The following DDX46 variants were observed in gnomAD, a reference collection of about 807,000 sequenced individuals.
DDX46 encodes DEAD-box helicase 46, also known as probable ATP-dependent RNA helicase DDX46.
Under a neutral mutation model 134.9 loss-of-function variants are expected in DDX46, and 30 were observed. That is an observed-to-expected ratio of 0.22 (90% CI 0.17 to 0.30). DDX46 has a LOEUF of 0.30. Among genes scored for constraint, DDX46 ranks in the 10% least tolerant of loss-of-function variants. The pLI is 1.00. For synonymous variants in DDX46, 415 were observed against 404.1 expected (o/e 1.03, Z -0.32); for missense variants, 622 against 1,248.7 (o/e 0.50, Z 7.56).
chr5:134,809,216 C>G (rs1416140447), intron 16 of DDX46, among the ~76,000 whole-genome samples: 1 of 152,108 alleles, frequency 6.6e-6, no homozygotes, highest in African/African-American at 2.4e-5. Context: ...TGGGCTCTGT[C>G]ACATATTCTT....
At chr5:134,820,875 T>C (rs982098781) in intron 21 of DDX46, among the ~76,000 whole-genome samples, 1 of 147,052 alleles carries the variant, frequency 6.8e-6, no homozygotes, top group African/African-American at 2.6e-5. Flanking sequence ...TTTTTTTTTT[T>C]TTTTTTTTGA....
rs1755681127 is a variant in DDX46, at chr5:134,829,595, A to T, written c.*889A>T. 1 of 152,216 alleles carries T rather than the reference A, an allele frequency of 6.6e-6. No individual in the cohort carries two copies. The highest frequency in any genetic ancestry group is 2.1e-4 in the South Asian group (1 of 4,838). 9.4% of individuals were successfully genotyped at this position (152,216 alleles called of 1,614,324 possible). A position where few individuals can be genotyped will look rare whatever the true frequency, so the allele number is the denominator to read the frequency against. ...TTTTCTTTCTTAAAAATTGTAAAAC[A>T]TAATGGTACCCAAGTTTTAAACTTA... On this transcript the variant is annotated 3_prime_UTR_variant, in exon 23 of 23. Coordinates refer to ENST00000452510, the MANE Select transcript of DDX46 (RefSeq NM_001300860.2).
At chr5:134,825,351 T>C (rs537531428) in intron 21 of DDX46, among the ~76,000 whole-genome samples, 1 of 152,314 alleles carries the variant, frequency 6.6e-6, no homozygotes, top group African/African-American at 2.4e-5. Flanking sequence ...GATTGGTGGC[T>C]AGTGGAGGTA....
Position 134,811,146 on chromosome 5 carries a change from C to T in DDX46, c.2149-75C>T, listed in dbSNP as rs547939805. The T allele has an allele frequency of 1.1e-5, 14 of 1,300,110 alleles. No homozygotes were observed. The South Asian group carries it at 2.4e-4, about 22-fold the overall frequency. 80.5% of individuals were successfully genotyped at this position (1,300,110 alleles called of 1,614,324 possible). On this transcript the variant is annotated intron_variant, in intron 16 of 22. Coordinates refer to ENST00000452510, the MANE Select transcript of DDX46 (RefSeq NM_001300860.2). ...AATCTCGAGGATTTATTAGGTGGAT[C>T]AGATTTTATCTTATGATCTAAGTAG... is the stretch of plus-strand genomic sequence containing the variant.
At chr5:134,787,359 C>G (rs886366701) in intron 11 of DDX46, among the ~76,000 whole-genome samples, 1 of 152,172 alleles carries the variant, frequency 6.6e-6, no homozygotes, top group Non-Finnish European at 1.5e-5. Context: ...AAACCACTTT[C>G]TTTCCTGTAA....
At chr5:134,759,327 C>G (rs1406177034) in intron 1 of DDX46, among the ~76,000 whole-genome samples, 1 of 152,154 alleles carries the variant, frequency 6.6e-6, no homozygotes, top group Non-Finnish European at 1.5e-5. Context: ...TCCTGTCATT[C>G]TGTATTTTAG....
chr5:134,804,023 C>G (rs1488252124), intron 15 of DDX46, among the ~76,000 whole-genome samples: 1 of 149,700 alleles, frequency 6.7e-6, no homozygotes, highest in African/African-American at 2.5e-5. Context: ...TCCTCGACCT[C>G]CAGGGCTCAA....
At chr5:134,802,250 C>T (rs550680914) in intron 15 of DDX46, among the ~76,000 whole-genome samples, 7 of 150,370 alleles carry the variant, frequency 4.7e-5, no homozygotes, top group South Asian at 2.1e-4. Context: ...CCGCAACCTC[C>T]GCCTCCCAGG....
intron 3 of DDX46, among the ~76,000 whole-genome samples, chr5:134,768,587 C>A (rs1211266837): frequency 6.6e-6 from 1 of 151,864 alleles, no homozygotes; most frequent in Non-Finnish European, 1.5e-5. Context: ...AGGTATCTTA[C>A]ATCAAATCTG....
intron 18 of DDX46, 54 bp downstream of exon 18, chr5:134,811,899 G>A: frequency 6.4e-7 from 1 of 1,573,442 alleles, no homozygotes; most frequent in Non-Finnish European, 8.6e-7. Flanking sequence ...CTTTTGTACT[G>A]GAGGTCTTGC....
intron 7 of DDX46, 32 bp downstream of exon 7, chr5:134,781,278 A>G: frequency 6.6e-7 from 1 of 1,517,210 alleles, no homozygotes; most frequent in Non-Finnish European, 9.0e-7. Context: ...TTTGTTTATG[A>G]TACTATCCTG....
intron 3 of DDX46, among the ~76,000 whole-genome samples, chr5:134,767,592 C>T (rs1214386838): frequency 4.0e-5 from 6 of 151,880 alleles, no homozygotes; most frequent in African/African-American, 1.2e-4. Context: ...CTGCCCACCT[C>T]GGCTTCCCAA....
intron 13 of DDX46, among the ~76,000 whole-genome samples, chr5:134,791,451 C>A (rs1020565072): frequency 6.6e-6 from 1 of 151,986 alleles, no homozygotes; most frequent in Non-Finnish European, 1.5e-5. Context: ...GTCCCAGCTA[C>A]TCAGGAGGCT....
chr5:134,823,439 A>T (rs796846141), intron 21 of DDX46, among the ~76,000 whole-genome samples: 6 of 152,208 alleles, frequency 3.9e-5, no homozygotes, highest in Admixed American at 2.0e-4. Flanking sequence ...ACGCCCGGCA[A>T]ATACAGCTGT....
chr5:134,822,850 T>C (rs1755493540), intron 21 of DDX46, among the ~76,000 whole-genome samples: 1 of 152,164 alleles, frequency 6.6e-6, no homozygotes, highest in African/African-American at 2.4e-5. Context: ...GTGATGGGAT[T>C]ACAAACGTGA....
chr5:134,781,650 G>GA (rs1169869617), intron 7 of DDX46, among the ~76,000 whole-genome samples: 2 of 151,338 alleles, frequency 1.3e-5, no homozygotes, highest in Admixed American at 6.6e-5. Flanking sequence ...TAAAGGCAAA[G>GA]AAAAAAAAAC....
At chr5:134,797,311 T>G in intron 15 of DDX46, 1 of 208,464 alleles carries the variant, frequency 4.8e-6, no homozygotes, top group Non-Finnish European at 9.8e-6. Context: ...GTTACTTATT[T>G]TGCTTATGAA....
chr5:134,809,165 T>G (rs1755069880), intron 16 of DDX46, among the ~76,000 whole-genome samples: 1 of 152,152 alleles, frequency 6.6e-6, no homozygotes, highest in African/African-American at 2.4e-5. Context: ...GTCAAGAATA[T>G]TTTTTTGGAA....
Position 134,828,814 on chromosome 5 carries a change from C to A in DDX46, c.*108C>A. 1.2e-5 allele frequency: 10 copies of A among 835,920 alleles called. No homozygotes were observed. Among genetic ancestry groups the A allele is most frequent in the Non-Finnish European group, 1.7e-5 (10 of 601,762 alleles). 51.8% of individuals were successfully genotyped at this position (835,920 alleles called of 1,614,324 possible). ...TGAAGATTTTTTAAATTCTATCTTG[C>A]TGATTTTTTTTAAATATAAGAAACT... On this transcript the variant is annotated 3_prime_UTR_variant, in exon 23 of 23. Transcript: ENST00000452510.
Sources: allele counts gnomAD v4.1 joint callset (sites outside exome capture counted in the v4.1 genomes callset), GRCh38; gene constraint gnomAD v4.1.1; transcripts MANE v1.5; gene names NCBI Gene and HGNC (gene_info 2026-07-23, HGNC 2026-07-21).